DNAH5: variants seen among roughly 807,000 people sequenced by gnomAD.
The protein encoded by DNAH5 is axonemal beta dynein heavy chain 5.
In DNAH5, 372 loss-of-function variants were observed where a neutral mutation model predicts 518.2. The ratio of observed to expected loss-of-function variants is 0.72; its 90% CI spans 0.66 to 0.78. The LOEUF is 0.78. DNAH5 is among the 30% of genes least tolerant of loss of function. DNAH5 has a pLI of 0.00. For missense variants in DNAH5, 5,523 were observed against 5,687.0 expected (o/e 0.97, Z 0.93); for synonymous variants, 2,039 against 2,025.9 (o/e 1.01, Z -0.17).
chr5:13,965,320 C>G (rs867740108), intron 1 of DNAH5, among the ~76,000 whole-genome samples: 1 of 152,014 alleles, frequency 6.6e-6, no homozygotes, highest in Non-Finnish European at 1.5e-5. Flanking sequence ...TTGATAAGCA[C>G]CTGAATTATT....
In DNAH5 at chr5:13,917,178, C is replaced by A. The variant is rs189080233; in HGVS notation, c.1054G>T (p.Glu352Ter). The change falls in exon 8 of 79, where the codon GAA becomes TAA. Residue 352 changes from glutamate to a stop codon, truncating the protein, a stop_gained. Transcript: ENST00000265104. LOFTEE classifies it high-confidence loss of function. ...CTGTACAAAGGGTCACAACATTTTTCAAGTGTATACAAGTATTTCACATTG... is the reference window on the plus strand; with the variant it reads ...CTGTACAAAGGGTCACAACATTTTTAAAGTGTATACAAGTATTTCACATTG... ...KDNVKYLYTL[E>*]KCCDPLYSSD... The A allele has an allele frequency of 3.1e-6, 5 of 1,613,932 alleles. No homozygotes were observed. In the African/African-American group the frequency reaches 6.7e-5, roughly 22 times the overall value.
intron 78 of DNAH5, 89 bp downstream of exon 78, chr5:13,700,551 A>G: frequency 1.5e-6 from 2 of 1,291,728 alleles, no homozygotes; most frequent in Non-Finnish European, 2.3e-6. Flanking sequence ...AATCTCTACT[A>G]CATGATAACA....
At chr5:13,713,440 T>TATATATATATACACACACCG (rs1554018845) in intron 75 of DNAH5, among the ~76,000 whole-genome samples, 2 of 115,734 alleles carry the variant, frequency 1.7e-5, no homozygotes, top group African/African-American at 7.7e-5. Flanking sequence ...TCGACATATA[T>TATATATATATACACACACCG]ATATATATAT....
chr5:13,817,600 C>A lies in DNAH5; in HGVS notation c.6936G>T (p.Trp2312Cys). ...FGRLDVATND[W>C]TDGIFSTLWR... Reference sequence around the variant, plus strand: ...AAAGCGTAGAAAATATCCCATCAGTCCAGTCATTTGTGGCAACGTCCAGCC... The same window carrying A: ...AAAGCGTAGAAAATATCCCATCAGTACAGTCATTTGTGGCAACGTCCAGCC... Residue 2312 changes from tryptophan (W) to cysteine (C), a missense_variant, in exon 42 of 79, where the codon TGG becomes TGT. Trp to Cys is a radical substitution (Grantham distance 215). Transcript: ENST00000265104. 1 of 1,614,176 alleles carries A rather than the reference C, an allele frequency of 6.2e-7. No individual in the cohort carries two copies. Among genetic ancestry groups the A allele is most frequent in the Non-Finnish European group, 8.5e-7 (1 of 1,180,012 alleles).
intron 1 of DNAH5, among the ~76,000 whole-genome samples, chr5:13,984,151 C>G (rs1782871715): frequency 6.6e-6 from 1 of 152,138 alleles, no homozygotes; most frequent in Non-Finnish European, 1.5e-5. Flanking sequence ...GCAATGTTGC[C>G]AGCTTTGAAG....
At chr5:13,904,514 T>C (rs1367630172) in intron 12 of DNAH5, among the ~76,000 whole-genome samples, 3 of 150,328 alleles carry the variant, frequency 2.0e-5, no homozygotes, top group Non-Finnish European at 4.4e-5. Context: ...ATTTTATATA[T>C]ATGGATTCTA....
At chr5:13,726,097 G>A (rs1228084394) in intron 70 of DNAH5, among the ~76,000 whole-genome samples, 1 of 152,228 alleles carries the variant, frequency 6.6e-6, no homozygotes, top group Non-Finnish European at 1.5e-5. Flanking sequence ...GCCTGATGCT[G>A]CCTATGGGGA....
At chr5:13,811,569 G>T in intron 44 of DNAH5, 78 bp downstream of exon 44, 1 of 1,388,844 alleles carries the variant, frequency 7.2e-7, no homozygotes, top group Non-Finnish European at 1.0e-6. Flanking sequence ...ACATTAATAA[G>T]AGAGAAAATA....
At chr5:13,957,455 T>G (rs1021587080) in intron 1 of DNAH5, among the ~76,000 whole-genome samples, 1 of 152,328 alleles carries the variant, frequency 6.6e-6, no homozygotes, top group Middle Eastern at 3.4e-3. Context: ...CAGTCTTCTC[T>G]TTTTCAATTC....
chr5:13,775,828 G>A (rs1226617374), intron 55 of DNAH5, among the ~76,000 whole-genome samples: 1 of 152,052 alleles, frequency 6.6e-6, no homozygotes, highest in East Asian at 1.9e-4. Flanking sequence ...TGGAAAATAA[G>A]GCTCTTCTGC....
At chr5:13,870,519 C>T (rs563451318) in intron 24 of DNAH5, among the ~76,000 whole-genome samples, 2 of 152,202 alleles carry the variant, frequency 1.3e-5, no homozygotes, top group East Asian at 1.9e-4. Context: ...TGAGCACTCA[C>T]CAATAAATCA....
intron 58 of DNAH5, among the ~76,000 whole-genome samples, chr5:13,766,541 T>C (rs1351835950): frequency 6.6e-6 from 1 of 152,158 alleles, no homozygotes; most frequent in African/African-American, 2.4e-5. Context: ...AATTACAGTA[T>C]TTGTGGTGCT....
At chr5:13,930,011 G>A (rs1198137332) in intron 2 of DNAH5, among the ~76,000 whole-genome samples, 1 of 152,170 alleles carries the variant, frequency 6.6e-6, no homozygotes, top group Non-Finnish European at 1.5e-5. Flanking sequence ...AAGAGACTGA[G>A]AACAGGGACC....
At chr5:13,926,282 C>T (rs370760128) in intron 3 of DNAH5, among the ~76,000 whole-genome samples, 3 of 152,278 alleles carry the variant, frequency 2.0e-5, no homozygotes, top group East Asian at 1.9e-4. Context: ...CCTGTCACCT[C>T]GGGAGAAACC....
rs749125278 is a variant in DNAH5, at chr5:13,716,569, A to G, written c.12827T>C (p.Met4276Thr). The change falls in exon 74 of 79, where the codon ATG (methionine) becomes ACG (threonine). Residue 4276 changes from methionine to threonine, a missense_variant. Around this residue, in one of 3 missense-constraint regions of DNAH5, gnomAD observed 15 missense variants for 33.6 expected, o/e 0.45. Coordinates refer to ENST00000265104, the MANE Select transcript of DNAH5 (RefSeq NM_001369.3). ...GTAAAAACTGAAATCTGGTCCAAAC[A>G]TATTTTCACTGAACCAAACCTTAGC... ...TFAKVWFSEN[M>T]FGPDFSFYQG... 3.1e-6 allele frequency: 5 copies of G among 1,614,012 alleles called. No individual in the cohort carries two copies. Among genetic ancestry groups the G allele is most frequent in the African/African-American group, 2.7e-5 (2 of 75,058 alleles).
Position 13,901,426 on chromosome 5 carries a change from C to A in DNAH5, c.1878G>T (p.Lys626Asn). 1.2e-6 allele frequency: 2 copies of A among 1,614,102 alleles called. No individual in the cohort carries two copies. The highest frequency in any genetic ancestry group is 1.7e-6 in the Non-Finnish European group (2 of 1,180,006). Reference protein sequence around the residue: ...LARNQPPIAGKILWARQLFHR... With the variant: ...LARNQPPIAGNILWARQLFHR... The stretch of plus-strand genomic sequence containing the variant: ...GGAAGAGCTGGCGGGCCCACAAAAT[C>A]TTTCCAGCGATGGGAGGCTGGTTTC... Residue 626 changes from lysine to asparagine, a missense_variant, in exon 14 of 79, where the codon AAG (lysine) becomes AAT (asparagine). This residue lies in a region of DNAH5 where 5,121 missense variants were observed against 5,223.3 expected (regional missense o/e 0.98). Coordinates refer to ENST00000265104, the MANE Select transcript of DNAH5 (RefSeq NM_001369.3).
chr5:13,843,534 T>A (rs1348434696), intron 32 of DNAH5, among the ~76,000 whole-genome samples: 1 of 152,164 alleles, frequency 6.6e-6, no homozygotes, highest in African/African-American at 2.4e-5. Flanking sequence ...TTTGCAGATG[T>A]GATCAATTTA....
intron 12 of DNAH5, among the ~76,000 whole-genome samples, chr5:13,909,679 T>C (rs1236632851): frequency 6.6e-6 from 1 of 152,230 alleles, no homozygotes; most frequent in East Asian, 1.9e-4. Context: ...AGTAGTATTC[T>C]TTCCTAAGTA....
At chr5:13,797,122 A>T (rs1757954832) in intron 47 of DNAH5, among the ~76,000 whole-genome samples, 1 of 152,234 alleles carries the variant, frequency 6.6e-6, no homozygotes, top group Admixed American at 6.5e-5. Context: ...AGGCAATACC[A>T]TTCAGGATAC....
Sources: gnomAD v4.1 joint callset for allele counts (sites outside exome capture counted in the v4.1 genomes callset) on GRCh38, gnomAD v4.1.1 for gene constraint, gnomAD v4.1.1 regional missense constraint, MANE v1.5 for transcripts, NCBI Gene and HGNC (gene_info 2026-07-23, HGNC 2026-07-21) for gene names.